Variants in FHIP2B observed in about 807,000 individuals in gnomAD.
FHIP2B encodes FHF complex subunit HOOK-interacting protein 2B.
A neutral mutation model predicts 84.0 loss-of-function variants in FHIP2B; 72 were observed. The observed-to-expected ratio is 0.86, with a 90% CI of 0.71 to 1.04. The LOEUF is 1.04. Among genes scored for constraint, FHIP2B ranks in the 50% least tolerant of loss-of-function variants. FHIP2B has a pLI of 0.00. For synonymous variants in FHIP2B, 497 were observed against 418.7 expected, an observed-to-expected ratio of 1.19 and a Z score of -2.28; for missense variants, 972 against 968.9, an observed-to-expected ratio of 1.00 and a Z score of -0.04.
chr8:22,098,010 TG>T, intron 5 of FHIP2B, 57 bp from the exon 6 acceptor site: 1 of 1,534,912 alleles, frequency 6.5e-7, no homozygotes, highest in East Asian at 2.3e-5. Flanking sequence ...GCGGTCCCAG[TG>T]GGGGACCCTG....
At chr8:22,098,354 G>T in intron 6 of FHIP2B, 44 bp downstream of exon 6, 1 of 1,539,196 alleles carries the variant, frequency 6.5e-7, no homozygotes, top group South Asian at 1.2e-5. Flanking sequence ...GGGGAAGGGT[G>T]GGTTGACGGC....
At position 22,092,822 on chromosome 8, in the gene FHIP2B, A is replaced by C. The variant is rs140124658; in HGVS notation, c.46-1618A>C. Reference sequence around the variant, plus strand: ...ATCTTGGTAAAGCCTTCCCTGTTCCAGCCTGTTAGAAGTTACCCCTGTTTT... The same window carrying C: ...ATCTTGGTAAAGCCTTCCCTGTTCCCGCCTGTTAGAAGTTACCCCTGTTTT... On this transcript the variant is annotated intron_variant, in intron 1 of 16. Coordinates refer to ENST00000289921, the MANE Select transcript of FHIP2B (RefSeq NM_022749.7). 4.5e-4 allele frequency among the ~76,000 whole-genome samples: 69 copies of C among 152,228 alleles called. 1 individual carries two copies. Among genetic ancestry groups the C allele is most frequent in the South Asian group, 3.5e-3 (17 of 4,814 alleles).
Position 22,100,678 on chromosome 8 carries a change from C to G in FHIP2B, c.1426C>G (p.Leu476Val), listed in dbSNP as rs1826057525. Residue 476 changes from leucine (L) to valine (V), a missense_variant, in exon 11 of 17, where the codon CTT becomes GTT. Coordinates refer to ENST00000289921, the MANE Select transcript of FHIP2B (RefSeq NM_022749.7). ...GIIHSLVLRN[L>V]EGRPYVAWGS... Reference sequence around the variant, plus strand: ...CATCCACAGCCTGGTCCTGCGCAACCTTGAGGGCCGCCCTTACGTGGCCTG... The same window carrying G: ...CATCCACAGCCTGGTCCTGCGCAACGTTGAGGGCCGCCCTTACGTGGCCTG... 2.5e-6 allele frequency: 4 copies of G among 1,607,558 alleles called. No homozygotes were observed. The highest frequency in any genetic ancestry group is 3.4e-6 in the Non-Finnish European group (4 of 1,176,480).
intron 2 of FHIP2B, 141 bp downstream of exon 2, chr8:22,094,659 A>G: frequency 6.7e-7 from 1 of 1,502,508 alleles, no homozygotes; most frequent in Non-Finnish European, 8.8e-7. Flanking sequence ...GGAGACAGAG[A>G]ACCAGACAGA....
chr8:22,093,706 G>GTTT (rs1328224891), intron 1 of FHIP2B, among the ~76,000 whole-genome samples: 2 of 36,206 alleles, frequency 5.5e-5, no homozygotes, highest in African/African-American at 2.7e-4. Flanking sequence ...GAAAAGCTTT[G>GTTT]TCTTTTTTTT....
rs778894231 is a variant in FHIP2B, at chr8:22,098,277, G to C, written c.735G>C (p.Leu245=). ...ELDGGTTESN[L]ITSLLGLCQS... is the part of the protein sequence containing the mutation. ...ACGGTGGGACCACAGAGAGCAACCT[G>C]ATTACCTCCCTGCTTGGGCTGTGCC... is the stretch of plus-strand genomic sequence containing the variant. The change falls in exon 6 of 17, where the codon CTG becomes CTC. Residue 245 remains leucine, a synonymous_variant. Coordinates refer to ENST00000289921, the MANE Select transcript of FHIP2B (RefSeq NM_022749.7). 2.0e-6 allele frequency: 3 copies of C among 1,519,542 alleles called. No individual in the cohort carries two copies. 94.1% of individuals were successfully genotyped at this position (1,519,542 alleles called of 1,614,324 possible).
rs147302490 is a variant in FHIP2B at position 22,096,816 on chromosome 8, T to C, written c.297+307T>C. 832 of 263,836 alleles carry C rather than the reference T, an allele frequency of 3.2e-3. 8 individuals are homozygous for C. The highest frequency in any genetic ancestry group is 0.018 in the African/African-American group (787 of 44,812). The allele number at this position is 263,836 out of a possible 1,614,324, so 16.3% of individuals were successfully genotyped here. On this transcript the variant is annotated intron_variant, in intron 3 of 16. Coordinates refer to ENST00000289921, the MANE Select transcript of FHIP2B (RefSeq NM_022749.7). ...ACCATCCCAGCGCTCCTGTTCCCAG[T>C]TCACTCCACAAAGATGGGCCTGCCA...
At chr8:22,096,689 C>T (rs564313031) in intron 3 of FHIP2B, 180 bp downstream of exon 3, 2 of 823,880 alleles carry the variant, frequency 2.4e-6, no homozygotes, top group South Asian at 2.2e-5. Context: ...GGATTCCAGG[C>T]CTTTCTGCCT....
chr8:22,102,204 G>A lies in FHIP2B; in HGVS notation c.1881G>A (p.Ser627=), dbSNP rs565970219. The change falls in exon 15 of 17, where the codon TCG becomes TCA. Residue 627 remains serine, a synonymous_variant. Transcript: ENST00000289921. ...ACAGCCTGAACCTGCAGGTGACCTC[G>A]GTCCTGTCCCGGCTTGCCCTCTTCC... ...QPYSLNLQVT[S]VLSRLALFPH... is the part of the protein sequence containing the mutation. The A allele has an allele frequency of 1.4e-5, 23 of 1,613,484 alleles. No homozygotes were observed. Among genetic ancestry groups the A allele is most frequent in the African/African-American group, 8.0e-5 (6 of 75,018 alleles).
Position 22,101,863 on chromosome 8 carries a change from G to A in FHIP2B, c.1851+12G>A, listed in dbSNP as rs897694842. The A allele has an allele frequency of 6.2e-7, 1 of 1,612,064 alleles. No homozygotes were observed. Among genetic ancestry groups the A allele is most frequent in the African/African-American group, 1.3e-5 (1 of 74,916 alleles). ...GGATTCTGGATCAGGTAGCTAGTGGGCCTGGGCCAGGAGAACTCCAGGCTG... is the reference window on the plus strand; with the variant it reads ...GGATTCTGGATCAGGTAGCTAGTGGACCTGGGCCAGGAGAACTCCAGGCTG... On this transcript the variant is annotated intron_variant, in intron 14 of 16. Transcript: ENST00000289921.
At chr8:22,096,308 A>G (rs1825762436) in intron 2 of FHIP2B, 29 bp from the exon 3 acceptor site, 1 of 1,521,324 alleles carries the variant, frequency 6.6e-7, no homozygotes. Flanking sequence ...TCTTTACCCT[A>G]CTCACCCTTG....
chr8:22,098,489 G>A lies in FHIP2B; in HGVS notation c.835G>A (p.Ala279Thr), dbSNP rs1825917104. Reference protein sequence around the residue: ...LLLVSMASPAAATYLVQSSAC... With the variant: ...LLLVSMASPATATYLVQSSAC... ...CCTGGTGAGCATGGCCTCCCCAGCA[G>A]CTGCCACCTACCTGGTACAGAGCAG... Residue 279 changes from alanine (A) to threonine (T), a missense_variant, in exon 7 of 17, where the codon GCT (alanine) becomes ACT (threonine). Transcript: ENST00000289921. 6.2e-7 allele frequency: 1 copy of A among 1,612,958 alleles called. No individual in the cohort carries two copies. The highest frequency in any genetic ancestry group is 1.3e-5 in the African/African-American group (1 of 74,898).
chr8:22,096,582 A>C, intron 3 of FHIP2B, 73 bp downstream of exon 3: 1 of 1,415,940 alleles, frequency 7.1e-7, no homozygotes, highest in Non-Finnish European at 9.2e-7. Flanking sequence ...CCGAGGTGGG[A>C]GGCCTCTGTG....
At chr8:22,092,922 TTTATATCGTC>T in intron 1 of FHIP2B, among the ~76,000 whole-genome samples, 1 of 152,318 alleles carries the variant, frequency 6.6e-6, no homozygotes, top group South Asian at 2.1e-4. Context: ...TCAATGCGGT[TTTATATCGTC>T]TTCTCCATGA....
chr8:22,098,576 C>A lies in FHIP2B; in HGVS notation c.922C>A (p.Leu308Met), dbSNP rs1014438064. Residue 308 changes from leucine (L) to methionine (M), a missense_variant, in exon 7 of 17, where the codon CTG becomes ATG. Coordinates refer to ENST00000289921, the MANE Select transcript of FHIP2B (RefSeq NM_022749.7). ...GTTGTACCGGTCCATGCCTGTCTTC[C>A]TGGACCCCGCAGACATTGCCACCTT... ...CQLYRSMPVF[L>M]DPADIATLEG... 6 of 1,606,500 alleles carry A rather than the reference C, an allele frequency of 3.7e-6. No individual in the cohort carries two copies. The South Asian group carries it at 6.7e-5, about 18-fold the overall frequency.
In FHIP2B at chr8:22,098,063, T is replaced by C. The variant is rs1442829538; in HGVS notation, c.526-5T>C. 5.7e-6 allele frequency: 9 copies of C among 1,588,786 alleles called. No individual in the cohort carries two copies. Among genetic ancestry groups the C allele is most frequent in the Non-Finnish European group, 7.7e-6 (9 of 1,167,418 alleles). On this transcript the variant is annotated splice_polypyrimidine_tract_variant and splice_region_variant and intron_variant, in intron 5 of 16. Coordinates refer to ENST00000289921, the MANE Select transcript of FHIP2B (RefSeq NM_022749.7). ...AGGTCTGGCCTCATCTCACCCTCTTTTCAGGGTAAAAAGATTGTAGGTAGG... is the reference window on the plus strand; with the variant it reads ...AGGTCTGGCCTCATCTCACCCTCTTCTCAGGGTAAAAAGATTGTAGGTAGG...
At chr8:22,090,760 G>A (rs1027341393) in intron 1 of FHIP2B, among the ~76,000 whole-genome samples, 1 of 152,170 alleles carries the variant, frequency 6.6e-6, no homozygotes, top group Non-Finnish European at 1.5e-5. Flanking sequence ...GAGTAGCTGG[G>A]ACTACAGGCA....
rs377442274 is a variant in FHIP2B at position 22,098,994 on chromosome 8, G to A, written c.1012G>A (p.Ala338Thr). 2 of 1,608,302 alleles carry A rather than the reference G, an allele frequency of 1.2e-6. No individual in the cohort carries two copies. The highest frequency in any genetic ancestry group is 1.3e-5 in the African/African-American group (1 of 74,840). Residue 338 changes from alanine (A) to threonine (T), a missense_variant, in exon 8 of 17, where the codon GCC (alanine) becomes ACC (threonine). By Grantham distance (58) the Ala-to-Thr change is moderately conservative. Transcript: ENST00000289921. ...SDEASFPGKEALAAFLGWFDY... is the reference protein window; with the variant it reads ...SDEASFPGKETLAAFLGWFDY... ...TGAGGCTTCCTTCCCTGGCAAGGAG[G>A]CCTTGGCTGCCTTCTTGGGCTGGTT...
chr8:22,090,465 T>C (rs1325365734), intron 1 of FHIP2B, among the ~76,000 whole-genome samples: 17 of 152,076 alleles, frequency 1.1e-4, no homozygotes. Flanking sequence ...TAGAGAGGGT[T>C]CCAAAATGAT....
Sources: allele counts gnomAD v4.1 joint callset (sites outside exome capture counted in the v4.1 genomes callset), GRCh38; gene constraint gnomAD v4.1.1; transcripts MANE v1.5; gene names NCBI Gene and HGNC (gene_info 2026-07-23, HGNC 2026-07-21).